AKAP13: variants seen among roughly 807,000 people sequenced by gnomAD.
AKAP13 encodes the protein A-kinase anchor protein 13.
Under a neutral mutation model 264.5 loss-of-function variants are expected in AKAP13, and 80 were observed. The ratio of observed to expected loss-of-function variants is 0.30; its 90% CI spans 0.25 to 0.36. AKAP13 has a LOEUF of 0.36. AKAP13 is among the 10% of genes least tolerant of loss of function. AKAP13 has a pLI of 1.00. For missense variants in AKAP13, 3,712 were observed against 3,435.2 expected, an observed-to-expected ratio of 1.08 and a Z score of -2.01; for synonymous variants, 1,380 against 1,250.2, an observed-to-expected ratio of 1.10 and a Z score of -2.19.
At chr15:85,556,375 C>T (rs932997648) in intron 5 of AKAP13, among the ~76,000 whole-genome samples, 16 of 152,096 alleles carry the variant, frequency 1.1e-4, no homozygotes, top group Non-Finnish European at 1.8e-4. Context: ...TTATGACAGC[C>T]GTAACATCAT....
rs956078969 is a variant in AKAP13 at position 85,582,639 on chromosome 15, A to T, written c.4039+532A>T. ...TCCCAACATCCAAAATGGTGGTATT[A>T]GGTCATTGGTGGTTTTTTGTTTGTT... On this transcript the variant is annotated intron_variant, in intron 7 of 36. Transcript: ENST00000394518. Among the ~76,000 whole-genome samples, 19 of 150,526 alleles carry T rather than the reference A, an allele frequency of 1.3e-4. 1 individual carries two copies. The highest frequency in any genetic ancestry group is 4.6e-4 in the African/African-American group (19 of 41,128).
rs114705815 is a variant in AKAP13, at chr15:85,580,539, A to T, written c.2471A>T (p.Tyr824Phe). The change falls in exon 7 of 37, where the codon TAT (tyrosine) becomes TTT (phenylalanine). Residue 824 changes from tyrosine to phenylalanine, a missense_variant. Physicochemically the swap from Tyr to Phe is conservative, Grantham distance 22. Around this residue, in one of 3 missense-constraint regions of AKAP13, gnomAD observed 2,759 missense variants for 2,411.7 expected, o/e 1.14. Transcript: ENST00000394518. Reference sequence around the variant, plus strand: ...CCTGAACTACATACAGCTACAGATTATAGAGATGGCCCAGATGGAAATTCG... The same window carrying T: ...CCTGAACTACATACAGCTACAGATTTTAGAGATGGCCCAGATGGAAATTCG... ...ATPELHTATD[Y>F]RDGPDGNSNE... The T allele has an allele frequency of 4.8e-3, 7,825 of 1,614,214 alleles. 36 individuals carry two copies. The highest frequency in any genetic ancestry group is 6.0e-3 in the Non-Finnish European group (7,067 of 1,180,020).
intron 5 of AKAP13, among the ~76,000 whole-genome samples, chr15:85,545,458 G>A (rs182278266): frequency 1.7e-4 from 26 of 152,308 alleles, no homozygotes; most frequent in South Asian, 8.3e-4. Context: ...ACTAGAGTGT[G>A]TTTGTTCTTT....
At chr15:85,686,040 T>C (rs948458412) in intron 16 of AKAP13, among the ~76,000 whole-genome samples, 4 of 152,156 alleles carry the variant, frequency 2.6e-5, no homozygotes, top group African/African-American at 4.8e-5. Flanking sequence ...GGAAAAACTT[T>C]TCGCCTCTCA....
chr15:85,654,029 C>T (rs2082986826), intron 10 of AKAP13, among the ~76,000 whole-genome samples: 1 of 152,168 alleles, frequency 6.6e-6, no homozygotes, highest in South Asian at 2.1e-4. Context: ...TGGTATGTTT[C>T]AACAAGTAGA....
At position 85,727,476 on chromosome 15, in the gene AKAP13, G is replaced by T. The variant is rs745662922; in HGVS notation, c.7087+13G>T. 6 of 1,613,500 alleles carry T rather than the reference G, an allele frequency of 3.7e-6. No homozygotes were observed. In the South Asian group the frequency reaches 5.5e-5, roughly 15 times the overall value. On this transcript the variant is annotated intron_variant, in intron 29 of 36. Transcript: ENST00000394518. The surrounding 1 kb of genome is among the most constrained non-coding windows in gnomAD (Gnocchi z 5.3). ...CGAGAATTAAAAGGTGAGGCATTGC[G>T]AGTGGTCTGAGCCCCTTGTCTGGAA...
intron 2 of AKAP13, among the ~76,000 whole-genome samples, chr15:85,513,681 T>C (rs898384552): frequency 9.2e-5 from 14 of 152,380 alleles, no homozygotes; most frequent in African/African-American, 2.6e-4. Context: ...TATTCTCCTT[T>C]GTAATCACAG....
At chr15:85,743,433 G>C in intron 35 of AKAP13, 59 bp from the exon 36 acceptor site, 1 of 1,548,758 alleles carries the variant, frequency 6.5e-7, no homozygotes, top group Admixed American at 1.8e-5. Context: ...GATTTATTGA[G>C]TTGGCATCAC....
intron 13 of AKAP13, 102 bp from the exon 14 acceptor site, chr15:85,669,620 C>A: frequency 2.4e-6 from 2 of 829,890 alleles, no homozygotes; most frequent in African/African-American, 1.7e-5. Flanking sequence ...CGCTTCTTCA[C>A]TGCCTTATTT....
chr15:85,562,121 A>C (rs954340814), intron 5 of AKAP13, among the ~76,000 whole-genome samples: 3 of 152,218 alleles, frequency 2.0e-5, no homozygotes, highest in African/African-American at 2.4e-5. Flanking sequence ...TGATTACGAG[A>C]GTAAATGAGA....
intron 3 of AKAP13, among the ~76,000 whole-genome samples, chr15:85,533,257 A>G (rs939849362): frequency 6.6e-6 from 1 of 152,214 alleles, no homozygotes; most frequent in Non-Finnish European, 1.5e-5. Flanking sequence ...TTCAGCTTTC[A>G]TTCTTAAATA....
chr15:85,673,545 G>A (rs1037680504), intron 14 of AKAP13, among the ~76,000 whole-genome samples: 1 of 152,100 alleles, frequency 6.6e-6, no homozygotes, highest in South Asian at 2.1e-4. Flanking sequence ...GAAAGATTGT[G>A]TGGAGCCTTT....
intron 19 of AKAP13, among the ~76,000 whole-genome samples, chr15:85,713,238 T>C (rs920504904): frequency 6.6e-6 from 1 of 152,212 alleles, no homozygotes; most frequent in Non-Finnish European, 1.5e-5. Flanking sequence ...ATACAAGTTA[T>C]TATGAGCTCT....
At chr15:85,667,133 T>C (rs904103456) in intron 13 of AKAP13, among the ~76,000 whole-genome samples, 2 of 152,236 alleles carry the variant, frequency 1.3e-5, no homozygotes, top group Admixed American at 1.3e-4. Context: ...AACCTCTTCC[T>C]TGATTTGCTG....
chr15:85,601,648 G>T (rs368766233), intron 8 of AKAP13, among the ~76,000 whole-genome samples: 22 of 147,768 alleles, frequency 1.5e-4, no homozygotes, highest in South Asian at 6.4e-4. Context: ...GTGTGTGTGT[G>T]TTTTTCTTCC....
At chr15:85,583,945 T>C (rs571570445) in intron 7 of AKAP13, among the ~76,000 whole-genome samples, 6 of 152,198 alleles carry the variant, frequency 3.9e-5, no homozygotes, top group Non-Finnish European at 7.3e-5. Context: ...GTCATACTCA[T>C]GGTCTCAAAC....
At chr15:85,507,167 A>G (rs1314425093) in intron 2 of AKAP13, among the ~76,000 whole-genome samples, 2 of 152,098 alleles carry the variant, frequency 1.3e-5, no homozygotes, top group Non-Finnish European at 1.5e-5. Flanking sequence ...AGTTTCTTCT[A>G]CTAAATCAGG....
At chr15:85,500,783 T>G (rs79224998) in intron 2 of AKAP13, among the ~76,000 whole-genome samples, 10 of 152,208 alleles carry the variant, frequency 6.6e-5, no homozygotes, top group African/African-American at 9.7e-5. Context: ...AGAAATGTGT[T>G]TGTTTGTTAC....
intron 8 of AKAP13, among the ~76,000 whole-genome samples, chr15:85,638,699 A>G (rs913184673): frequency 1.5e-4 from 23 of 151,978 alleles, no homozygotes; most frequent in Non-Finnish European, 1.9e-4. Flanking sequence ...GCTTTTTAGA[A>G]TAACACAGAC....
Sources: allele counts gnomAD v4.1 joint callset (sites outside exome capture counted in the v4.1 genomes callset), GRCh38; gene constraint gnomAD v4.1.1; regional missense constraint gnomAD v4.1.1; non-coding constraint Gnocchi (gnomAD v3.1); transcripts MANE v1.5; gene names NCBI Gene and HGNC (gene_info 2026-07-23, HGNC 2026-07-21).